Variants in UBE2D3 observed in about 807,000 individuals in gnomAD.
The protein encoded by UBE2D3 is ubiquitin-conjugating enzyme E2 D3.
Under a neutral mutation model 22.8 loss-of-function variants are expected in UBE2D3, and 2 were observed. The observed-to-expected ratio is 0.09, with a 90% CI of 0.04 to 0.28. The LOEUF (loss-of-function observed/expected upper bound fraction) is 0.28. UBE2D3 is among the 10% of genes least tolerant of loss of function. The pLI is 1.00. For missense variants in UBE2D3, 27 were observed against 182.5 expected (o/e 0.15, Z 4.91); for synonymous variants, 56 against 60.4 (o/e 0.93, Z 0.34).
chr4:102,847,184 G>A (rs968413368), intron 1 of UBE2D3, among the ~76,000 whole-genome samples: 1 of 152,202 alleles, frequency 6.6e-6, no homozygotes, highest in African/African-American at 2.4e-5. Context: ...AATTAAGCAT[G>A]TAATTGATAC....
At chr4:102,802,694 C>T (rs1022938438) in intron 4 of UBE2D3, 56 bp from the exon 5 acceptor site, 21 of 1,367,058 alleles carry the variant, frequency 1.5e-5, no homozygotes, top group Non-Finnish European at 2.0e-5. Flanking sequence ...CTAAATATTC[C>T]GTAACATTTG....
intron 2 of UBE2D3, among the ~76,000 whole-genome samples, chr4:102,813,259 G>C (rs905557413): frequency 6.6e-6 from 1 of 152,120 alleles, no homozygotes; most frequent in African/African-American, 2.4e-5. Flanking sequence ...CAATCATAAG[G>C]CACTATAGCC....
intron 1 of UBE2D3, among the ~76,000 whole-genome samples, chr4:102,849,530 T>G (rs1266169759): frequency 2.0e-5 from 3 of 152,044 alleles, no homozygotes; most frequent in African/African-American, 7.2e-5. Flanking sequence ...AAATGATTCC[T>G]AAAAATCAGT....
intron 2 of UBE2D3, chr4:102,811,954 TAGA>T (rs1331225221): frequency 9.5e-6 from 2 of 211,130 alleles, no homozygotes; most frequent in Non-Finnish European, 2.0e-5. Context: ...TTTGGTCTAC[TAGA>T]ACAACTTATT....
chr4:102,813,597 G>A (rs1728373084), intron 2 of UBE2D3, among the ~76,000 whole-genome samples: 1 of 152,146 alleles, frequency 6.6e-6, no homozygotes, highest in Admixed American at 6.5e-5. Context: ...TTGAGAACAG[G>A]CTGGGAACAA....
chr4:102,863,521 G>T (rs1733001048), intron 1 of UBE2D3, among the ~76,000 whole-genome samples: 3 of 152,098 alleles, frequency 2.0e-5, no homozygotes, highest in Non-Finnish European at 4.4e-5. Flanking sequence ...TTTTGAGACA[G>T]TCTCACTCTG....
At chr4:102,855,202 T>TAG (rs1055846749) in intron 1 of UBE2D3, among the ~76,000 whole-genome samples, 2 of 152,170 alleles carry the variant, frequency 1.3e-5, no homozygotes, top group African/African-American at 4.8e-5. Flanking sequence ...TTCTGCTCCT[T>TAG]AAACTTGTGG....
chr4:102,819,329 CAAAA>C (rs762178343), intron 2 of UBE2D3, among the ~76,000 whole-genome samples: 1 of 85,472 alleles, frequency 1.2e-5, no homozygotes. Flanking sequence ...GACTCCGCCT[CAAAA>C]AAAAAAAAAA....
intron 1 of UBE2D3, among the ~76,000 whole-genome samples, chr4:102,832,566 C>A (rs1731170541): frequency 1.3e-5 from 2 of 151,804 alleles, no homozygotes; most frequent in African/African-American, 2.4e-5. Flanking sequence ...ATGAAATAAT[C>A]CTGAAGAAAT....
upstream of UBE2D3, among the ~76,000 whole-genome samples, chr4:102,832,291 C>T (rs149375905): frequency 1.9e-3 from 288 of 151,950 alleles, no homozygotes; most frequent in African/African-American, 6.3e-3. Flanking sequence ...TGCAGTATTG[C>T]GAGGTTGAGG....
At chr4:102,832,675 C>T (rs572137162) in intron 1 of UBE2D3, among the ~76,000 whole-genome samples, 18 of 152,020 alleles carry the variant, frequency 1.2e-4, no homozygotes, top group East Asian at 1.2e-3. Flanking sequence ...TATTTGGGGG[C>T]GGGGGGAATT....
chr4:102,799,900 G>A (rs1725873785), intron 6 of UBE2D3, among the ~76,000 whole-genome samples: 2 of 150,746 alleles, frequency 1.3e-5, no homozygotes, highest in South Asian at 4.2e-4. Flanking sequence ...CATTAGGCAT[G>A]ATGAAAAATC....
At chr4:102,840,001 A>G (rs1731652694) in intron 1 of UBE2D3, among the ~76,000 whole-genome samples, 1 of 152,240 alleles carries the variant, frequency 6.6e-6, no homozygotes, top group Non-Finnish European at 1.5e-5. Flanking sequence ...AGAAGACACA[A>G]ATGCCCAATA....
At chr4:102,847,992 A>G (rs1560888984) in intron 1 of UBE2D3, among the ~76,000 whole-genome samples, 1 of 152,138 alleles carries the variant, frequency 6.6e-6, no homozygotes, top group African/African-American at 2.4e-5. Context: ...GCATGTGGGA[A>G]TTATTTATAG....
At chr4:102,827,071 AT>A in intron 1 of UBE2D3, 1 of 989,580 alleles carries the variant, frequency 1.0e-6, no homozygotes, top group Non-Finnish European at 1.2e-6. Flanking sequence ...AAGGAAGGAA[AT>A]AAAGGAAGGG....
At chr4:102,799,609 G>T in intron 6 of UBE2D3, 109 bp from the exon 7 acceptor site, 1 of 732,364 alleles carries the variant, frequency 1.4e-6, no homozygotes, top group Non-Finnish European at 2.2e-6. Context: ...TTATTAGTTT[G>T]TATCTTTATC....
chr4:102,852,016 A>T (rs1377149729), intron 1 of UBE2D3, among the ~76,000 whole-genome samples: 1 of 147,996 alleles, frequency 6.8e-6, no homozygotes, highest in East Asian at 2.0e-4. Flanking sequence ...GATAGTGACT[A>T]TAATTTCCTA....
chr4:102,847,544 C>T (rs532049663), intron 1 of UBE2D3, among the ~76,000 whole-genome samples: 29 of 152,222 alleles, frequency 1.9e-4, no homozygotes, highest in South Asian at 4.1e-4. Flanking sequence ...ACCTCAGCCT[C>T]CCAAAGTGCT....
In UBE2D3 at chr4:102,825,429, TGCACAACGCGATATAAAA is replaced by T. The variant is rs1324629424; in HGVS notation, c.24+1038_24+1055del. Reference sequence around the variant, plus strand: ...TTTTGAGCAGAGGATCTTAGAGCAGTGCACAACGCGATATAAAAGTTAACATTTAACAAATCATATTAA... The same window carrying T: ...TTTTGAGCAGAGGATCTTAGAGCAGTGTTAACATTTAACAAATCATATTAA... On this transcript the variant is annotated intron_variant, in intron 2 of 7. Coordinates refer to ENST00000453744, the MANE Select transcript of UBE2D3 (RefSeq NM_181891.3). 18 of 1,129,860 alleles carry T rather than the reference TGCACAACGCGATATAAAA, an allele frequency of 1.6e-5. No homozygotes were observed. In the South Asian group the frequency reaches 2.3e-4, roughly 15 times the overall value. 70.0% of individuals were successfully genotyped at this position (1,129,860 alleles called of 1,614,324 possible). A position where few individuals can be genotyped will look rare whatever the true frequency, so the allele number is the denominator to read the frequency against.
Sources: gnomAD v4.1 joint callset for allele counts (sites outside exome capture counted in the v4.1 genomes callset) on GRCh38, gnomAD v4.1.1 for gene constraint, MANE v1.5 for transcripts, NCBI Gene and HGNC (gene_info 2026-07-23, HGNC 2026-07-21) for gene names.